The following ARHGAP15 variants were observed in gnomAD, a reference collection of about 807,000 sequenced individuals.
The protein encoded by ARHGAP15 is rho GTPase-activating protein 15.
A neutral mutation model predicts 63.7 loss-of-function variants in ARHGAP15; 51 were observed. The observed-to-expected ratio is 0.80, with a 90% confidence interval of 0.64 to 1.01. The LOEUF is 1.01. ARHGAP15 is among the 50% of genes least tolerant of loss of function. The probability of loss-of-function intolerance (pLI) is 0.00; values close to 1 mark genes in which losing one functional copy is unlikely to be tolerated. For missense variants in ARHGAP15, 560 were observed against 564.6 expected, an observed-to-expected ratio of 0.99 and a Z score of 0.08; for synonymous variants, 191 against 193.8, an observed-to-expected ratio of 0.99 and a Z score of 0.12.
chr2:143,497,264 C>T (rs1439775046), intron 9 of ARHGAP15, among the ~76,000 whole-genome samples: 1 of 152,174 alleles, frequency 6.6e-6, no homozygotes, highest in East Asian at 1.9e-4. Flanking sequence ...ATATCCTCAA[C>T]TAGTTGGAGA....
chr2:143,321,221 T>C (rs994450174), intron 6 of ARHGAP15, among the ~76,000 whole-genome samples: 1 of 152,210 alleles, frequency 6.6e-6, no homozygotes, highest in Admixed American at 6.5e-5. Context: ...CTCAAGTGTA[T>C]ACAAAACATA....
intron 12 of ARHGAP15, among the ~76,000 whole-genome samples, chr2:143,689,466 T>A (rs1683496908): frequency 6.6e-6 from 1 of 152,174 alleles, no homozygotes; most frequent in African/African-American, 2.4e-5. Flanking sequence ...GGTCAAACGT[T>A]GTTGGAAATT....
intron 13 of ARHGAP15, among the ~76,000 whole-genome samples, chr2:143,742,797 G>T (rs984305284): frequency 6.6e-6 from 1 of 152,238 alleles, no homozygotes; most frequent in African/African-American, 2.4e-5. Flanking sequence ...GAAAACATCT[G>T]TCCATGCAGC....
At chr2:143,218,976 C>T (rs1558821225) in intron 4 of ARHGAP15, among the ~76,000 whole-genome samples, 1 of 152,182 alleles carries the variant, frequency 6.6e-6, no homozygotes, top group Non-Finnish European at 1.5e-5. Context: ...TCTCATAGGA[C>T]TACTATCTAT....
At chr2:143,558,621 A>G (rs1228833563) in intron 11 of ARHGAP15, among the ~76,000 whole-genome samples, 1 of 152,174 alleles carries the variant, frequency 6.6e-6, no homozygotes, top group Non-Finnish European at 1.5e-5. Flanking sequence ...CTAAAAAGGT[A>G]GGACTTGAAT....
chr2:143,705,049 ATAT>A (rs1337873416), intron 13 of ARHGAP15, among the ~76,000 whole-genome samples: 2 of 152,310 alleles, frequency 1.3e-5, no homozygotes, highest in East Asian at 1.9e-4. Flanking sequence ...CATATTGCAC[ATAT>A]TATTATACAA....
At chr2:143,494,266 A>G (rs548659373) in intron 9 of ARHGAP15, among the ~76,000 whole-genome samples, 1 of 152,130 alleles carries the variant, frequency 6.6e-6, no homozygotes, top group Non-Finnish European at 1.5e-5. Flanking sequence ...CAAATTTTGA[A>G]AGAATTCTCA....
chr2:143,179,054 T>C lies in ARHGAP15; in HGVS notation c.166-23080T>C, dbSNP rs774387110. Among the ~76,000 whole-genome samples the C allele has an allele frequency of 3.0e-4, 46 of 152,236 alleles. 1 individual carries two copies. The highest frequency in any genetic ancestry group is 1.6e-4 in the Non-Finnish European group (11 of 68,046). ...CTAAGGTGCATGCAATTATCCAGGG[T>C]ACCTGGCAATTAACACCCTTCTCTA... On this transcript the variant is annotated intron_variant, in intron 2 of 13. Transcript: ENST00000295095.
intron 10 of ARHGAP15, among the ~76,000 whole-genome samples, chr2:143,546,377 A>T (rs1212942027): frequency 6.6e-6 from 1 of 151,712 alleles, no homozygotes; most frequent in Non-Finnish European, 1.5e-5. Context: ...AAAAGGATCC[A>T]TTTTTCAGTT....
At chr2:143,542,654 T>C (rs940755542) in intron 10 of ARHGAP15, among the ~76,000 whole-genome samples, 6 of 142,580 alleles carry the variant, frequency 4.2e-5, no homozygotes, top group African/African-American at 1.3e-4. Context: ...ATATATGATA[T>C]ATATTATATA....
chr2:143,758,440 T>C (rs1686653596), intron 13 of ARHGAP15, among the ~76,000 whole-genome samples: 1 of 151,960 alleles, frequency 6.6e-6, no homozygotes, highest in African/African-American at 2.4e-5. Flanking sequence ...TTAGTACTTT[T>C]TTTTTCCCAA....
intron 11 of ARHGAP15, among the ~76,000 whole-genome samples, chr2:143,619,771 C>CCTCTTCA (rs1452585082): frequency 1.3e-5 from 2 of 152,144 alleles, no homozygotes; most frequent in Admixed American, 1.3e-4. Flanking sequence ...ATAGCACTTT[C>CCTCTTCA]CTCTTCACTC....
intron 12 of ARHGAP15, among the ~76,000 whole-genome samples, chr2:143,672,296 T>C (rs537919564): frequency 3.9e-5 from 6 of 151,956 alleles, no homozygotes; most frequent in African/African-American, 1.4e-4. Context: ...TTCTCAGATA[T>C]GAAAAAAAAT....
At chr2:143,593,770 T>C (rs2105175403) in intron 11 of ARHGAP15, among the ~76,000 whole-genome samples, 1 of 152,270 alleles carries the variant, frequency 6.6e-6, no homozygotes, top group African/African-American at 2.4e-5. Flanking sequence ...TTATCTTAAA[T>C]ACCCCTAGAA....
chr2:143,187,065 G>A (rs892643593), intron 2 of ARHGAP15, among the ~76,000 whole-genome samples: 8 of 152,134 alleles, frequency 5.3e-5, no homozygotes, highest in Middle Eastern at 3.4e-3. Flanking sequence ...CCCCTCACCC[G>A]CTAATAACAG....
chr2:143,218,277 CTT>C (rs762494225), intron 4 of ARHGAP15, among the ~76,000 whole-genome samples: 73 of 92,044 alleles, frequency 7.9e-4, no homozygotes, highest in African/African-American at 2.7e-3. Context: ...TTTAGTTTTC[CTT>C]TTTTTTTTTT....
intron 8 of ARHGAP15, among the ~76,000 whole-genome samples, chr2:143,448,334 T>G (rs1214909388): frequency 2.0e-5 from 3 of 152,060 alleles, no homozygotes; most frequent in African/African-American, 4.8e-5. Flanking sequence ...AAGACTTCAA[T>G]GCAGGCAAGA....
At chr2:143,165,106 C>CT (rs1213102436) in intron 2 of ARHGAP15, among the ~76,000 whole-genome samples, 1 of 151,914 alleles carries the variant, frequency 6.6e-6, no homozygotes, top group Admixed American at 6.6e-5. Flanking sequence ...TTTCAATAAA[C>CT]TTTTTTTCTG....
intron 13 of ARHGAP15, among the ~76,000 whole-genome samples, chr2:143,755,178 G>A (rs1185114625): frequency 6.6e-6 from 1 of 151,614 alleles, no homozygotes; most frequent in Non-Finnish European, 1.5e-5. Context: ...CAAACATCCT[G>A]CCTGAATACT....
Sources: gnomAD v4.1 joint callset for allele counts (sites outside exome capture counted in the v4.1 genomes callset) on GRCh38, gnomAD v4.1.1 for gene constraint, MANE v1.5 for transcripts, NCBI Gene and HGNC (gene_info 2026-07-23, HGNC 2026-07-21) for gene names.